CTNND2: variants seen among roughly 807,000 people sequenced by gnomAD.
CTNND2 encodes catenin delta 2, also known as catenin delta-2.
In CTNND2, 22 loss-of-function variants were observed where a neutral mutation model predicts 144.4. The ratio of observed to expected loss-of-function variants is 0.15; its 90% CI spans 0.11 to 0.22. The LOEUF (loss-of-function observed/expected upper bound fraction) is 0.22, where lower values mean the gene tolerates loss of function less well. Ranked by LOEUF, CTNND2 falls within the 10% of genes least tolerant of loss-of-function variation. The pLI, the probability that CTNND2 is intolerant of heterozygous loss-of-function variation, is 1.00. For missense variants in CTNND2, 1,353 were observed against 1,618.8 expected (o/e 0.84, Z 2.82); for synonymous variants, 751 against 695.6 (o/e 1.08, Z -1.25).
At chr5:10,976,596 T>C (rs1736519010) in intron 21 of CTNND2, among the ~76,000 whole-genome samples, 5 of 152,248 alleles carry the variant, frequency 3.3e-5, no homozygotes, top group Non-Finnish European at 7.3e-5. Flanking sequence ...GCTCACGCTC[T>C]CTGCGCTCTG....
At chr5:10,996,716 A>G (rs1486528714) in intron 18 of CTNND2, among the ~76,000 whole-genome samples, 3 of 152,098 alleles carry the variant, frequency 2.0e-5, no homozygotes, top group African/African-American at 7.2e-5. Context: ...CTCGTGCCTC[A>G]GCCTCCCAAA....
chr5:11,125,410 G>A (rs539040774), intron 12 of CTNND2, among the ~76,000 whole-genome samples: 36 of 152,348 alleles, frequency 2.4e-4, no homozygotes, highest in African/African-American at 6.3e-4. Flanking sequence ...TACCTGCTGC[G>A]GTGCACATAG....
intron 3 of CTNND2, among the ~76,000 whole-genome samples, chr5:11,497,710 T>A (rs1279932477): frequency 6.6e-6 from 1 of 152,054 alleles, no homozygotes; most frequent in Non-Finnish European, 1.5e-5. Flanking sequence ...GAATCTAGTG[T>A]GTATAAGTCA....
At chr5:11,192,141 C>T (rs552691362) in intron 11 of CTNND2, among the ~76,000 whole-genome samples, 203 of 152,326 alleles carry the variant, frequency 1.3e-3, no homozygotes, top group Non-Finnish European at 1.9e-3. Flanking sequence ...GGCAACAATT[C>T]CTGTGATTCC....
intron 6 of CTNND2, among the ~76,000 whole-genome samples, chr5:11,394,970 T>C (rs1284412487): frequency 1.3e-5 from 2 of 152,260 alleles, no homozygotes; most frequent in African/African-American, 4.8e-5. Flanking sequence ...TGACATCTGT[T>C]AGCCATCGTT....
chr5:11,311,637 A>C (rs1750877086), intron 9 of CTNND2, among the ~76,000 whole-genome samples: 2 of 132,340 alleles, frequency 1.5e-5, no homozygotes, highest in African/African-American at 2.9e-5. Flanking sequence ...CCCCACATGC[A>C]CTCACACTCC....
chr5:11,644,542 C>T (rs186708352), intron 2 of CTNND2, among the ~76,000 whole-genome samples: 88 of 151,952 alleles, frequency 5.8e-4, no homozygotes, highest in African/African-American at 2.1e-3. Flanking sequence ...GGTGTGGTGG[C>T]GGGCGCCTGT....
At chr5:11,571,146 C>T (rs537149691) in intron 2 of CTNND2, among the ~76,000 whole-genome samples, 12 of 152,036 alleles carry the variant, frequency 7.9e-5, no homozygotes, top group Non-Finnish European at 1.6e-4. Context: ...TTAATGTGGT[C>T]ATGTTTGTTT....
intron 1 of CTNND2, among the ~76,000 whole-genome samples, chr5:11,762,852 A>C (rs1419886569): frequency 6.6e-6 from 1 of 152,250 alleles, no homozygotes; most frequent in Non-Finnish European, 1.5e-5. Context: ...ATGATAATTC[A>C]CCAACTGAAT....
intron 9 of CTNND2, among the ~76,000 whole-genome samples, chr5:11,310,061 T>A (rs1422750024): frequency 6.6e-6 from 1 of 151,974 alleles, no homozygotes; most frequent in Non-Finnish European, 1.5e-5. Flanking sequence ...CTATCTCAGG[T>A]AGTTTTTTTT....
intron 2 of CTNND2, among the ~76,000 whole-genome samples, chr5:11,607,103 C>G (rs1468138890): frequency 6.6e-6 from 1 of 152,154 alleles, no homozygotes; most frequent in African/African-American, 2.4e-5. Flanking sequence ...CCAGGGAACA[C>G]CAAAGACTTC....
At chr5:11,385,361 C>T (rs1015752167) in intron 6 of CTNND2, 132 bp from the exon 7 acceptor site, 1 of 496,830 alleles carries the variant, frequency 2.0e-6, no homozygotes, top group African/African-American at 2.1e-5. Flanking sequence ...GCGATCCCAG[C>T]TGCGCTCGGG....
chr5:11,663,158 TTTGTAC>T (rs572175419), intron 2 of CTNND2, among the ~76,000 whole-genome samples: 14 of 152,206 alleles, frequency 9.2e-5, no homozygotes, highest in Non-Finnish European at 1.5e-4. Context: ...CTGCCATACA[TTTGTAC>T]TTTCTGTAAA....
chr5:11,110,804 C>A, intron 14 of CTNND2, 54 bp downstream of exon 14: 1 of 1,521,362 alleles, frequency 6.6e-7, no homozygotes. Flanking sequence ...GGATATATTA[C>A]AGTTGCAATT....
chr5:11,475,968 T>C (rs1581277556), intron 3 of CTNND2, among the ~76,000 whole-genome samples: 1 of 152,020 alleles, frequency 6.6e-6, no homozygotes, highest in African/African-American at 2.4e-5. Context: ...GAGGTGATCC[T>C]TCTACCTTAG....
At chr5:11,888,954 G>T (rs1006351918) in intron 1 of CTNND2, among the ~76,000 whole-genome samples, 6 of 152,170 alleles carry the variant, frequency 3.9e-5, no homozygotes, top group Non-Finnish European at 8.8e-5. Context: ...GTTTCACCAT[G>T]TTGGCCAGGC....
At chr5:11,240,294 CACACCCAACACACAT>C (rs755079980) in intron 9 of CTNND2, among the ~76,000 whole-genome samples, 10,245 of 120,612 alleles carry the variant, frequency 0.085, 672 homozygotes, top group South Asian at 0.12. Flanking sequence ...CACTCAAACA[CACACCCAACACACAT>C]ACACCCAACA....
At position 11,068,773 on chromosome 5, in the gene CTNND2, C is replaced by A. The variant is rs1962797; in HGVS notation, c.2788+13923G>T. On this transcript the variant is annotated intron_variant, in intron 16 of 21. Transcript: ENST00000304623. ...TACTAAAAAATGTAAACAAATTATC[C>A]GGGCGTGGTGGCGGGCGCCTGTAGT... 2.6e-5 allele frequency among the ~76,000 whole-genome samples: 4 copies of A among 152,046 alleles called. No individual in the cohort carries two copies. The East Asian group carries it at 7.8e-4, about 30-fold the overall frequency.
intron 9 of CTNND2, among the ~76,000 whole-genome samples, chr5:11,338,496 T>C (rs1184299368): frequency 4.6e-5 from 7 of 152,150 alleles, no homozygotes; most frequent in Non-Finnish European, 7.4e-5. Flanking sequence ...AAGGTCTGTA[T>C]ACGAGAGCAC....
Sources: allele counts gnomAD v4.1 joint callset (sites outside exome capture counted in the v4.1 genomes callset), GRCh38; gene constraint gnomAD v4.1.1; transcripts MANE v1.5; gene names NCBI Gene and HGNC (gene_info 2026-07-23, HGNC 2026-07-21).